LGR5: variants seen among roughly 807,000 people sequenced by gnomAD.
LGR5 encodes leucine-rich repeat-containing G protein-coupled receptor 5.
LGR5 carries 54 observed loss-of-function variants against 76.7 expected under a neutral mutation model. The observed-to-expected ratio is 0.70, with a 90% CI of 0.57 to 0.88. The LOEUF (loss-of-function observed/expected upper bound fraction) is 0.88, where lower values mean the gene tolerates loss of function less well. LGR5 is among the 40% of genes least tolerant of loss of function. The pLI is 0.00. For synonymous variants in LGR5, 406 were observed against 421.9 expected, an observed-to-expected ratio of 0.96 and a Z score of 0.46; for missense variants, 1,078 against 1,073.3, an observed-to-expected ratio of 1.00 and a Z score of -0.06.
chr12:71,479,377 G>A (rs1449914940), intron 1 of LGR5, among the ~76,000 whole-genome samples: 1 of 152,150 alleles, frequency 6.6e-6, no homozygotes, highest in African/African-American at 2.4e-5. Context: ...AGTGCCAGAG[G>A]ATGCAGCATT....
chr12:71,553,299 T>C lies in LGR5; in HGVS notation c.644+11T>C, dbSNP rs1431858843. 6.2e-7 allele frequency: 1 copy of C among 1,607,182 alleles called. No individual in the cohort carries two copies. Among genetic ancestry groups the C allele is most frequent in the Non-Finnish European group, 8.5e-7 (1 of 1,173,764 alleles). On this transcript the variant is annotated intron_variant, in intron 5 of 17. Coordinates refer to ENST00000266674, the MANE Select transcript of LGR5 (RefSeq NM_003667.4). ...CAGCTTGGTAGTTCTGTAAGTTTTATTGATTTTGCTCTCTTTTAACAGTTT... is the reference window on the plus strand; with the variant it reads ...CAGCTTGGTAGTTCTGTAAGTTTTACTGATTTTGCTCTCTTTTAACAGTTT...
chr12:71,534,286 T>G (rs1314783712), intron 3 of LGR5, among the ~76,000 whole-genome samples: 1 of 152,206 alleles, frequency 6.6e-6, no homozygotes, highest in African/African-American at 2.4e-5. Flanking sequence ...CAATGATATA[T>G]TTTTATTTCA....
intron 1 of LGR5, among the ~76,000 whole-genome samples, chr12:71,481,565 G>C (rs565293899): frequency 1.3e-5 from 2 of 152,104 alleles, no homozygotes; most frequent in Non-Finnish European, 2.9e-5. Flanking sequence ...ATATGTGTGC[G>C]TGTGTCTTTA....
chr12:71,499,682 G>A lies in LGR5; in HGVS notation c.213-4932G>A, dbSNP rs189383079. Among the ~76,000 whole-genome samples the A allele has an allele frequency of 6.0e-3, 914 of 152,174 alleles. 13 individuals carry two copies. The highest frequency in any genetic ancestry group is 0.021 in the African/African-American group (880 of 41,480). On this transcript the variant is annotated intron_variant, in intron 1 of 17. Transcript: ENST00000266674. ...CTTCATGGGGTCTAAACTCTAGATC[G>A]AGCTCTGCTTGCCAAGCCATTCATC...
intron 16 of LGR5, among the ~76,000 whole-genome samples, chr12:71,580,764 G>A (rs1333749329): frequency 2.6e-5 from 4 of 151,936 alleles, no homozygotes; most frequent in Admixed American, 1.3e-4. Context: ...CTGAGATCAC[G>A]CCACTGCACT....
intron 1 of LGR5, among the ~76,000 whole-genome samples, chr12:71,482,992 C>T (rs1873675220): frequency 6.6e-6 from 1 of 152,076 alleles, no homozygotes; most frequent in Non-Finnish European, 1.5e-5. Context: ...TGGGTTCTGA[C>T]ATTACTGCAC....
chr12:71,501,822 G>A (rs4298998), intron 1 of LGR5, among the ~76,000 whole-genome samples: 14,080 of 151,952 alleles, frequency 0.093, 692 homozygotes, highest in Non-Finnish European at 0.11. Context: ...AAAAAATTTC[G>A]TCTTTCACCG....
intron 2 of LGR5, among the ~76,000 whole-genome samples, chr12:71,505,637 C>A (rs1874814831): frequency 6.6e-6 from 1 of 152,084 alleles, no homozygotes; most frequent in African/African-American, 2.4e-5. Flanking sequence ...TCATCATAAC[C>A]AAATTACACT....
At chr12:71,507,753 G>T (rs1209976988) in intron 2 of LGR5, among the ~76,000 whole-genome samples, 1 of 151,930 alleles carries the variant, frequency 6.6e-6, no homozygotes, top group East Asian at 1.9e-4. Flanking sequence ...CTCTCTCTGG[G>T]TGTGTGTGTT....
chr12:71,560,262 G>T (rs576604772), intron 7 of LGR5, among the ~76,000 whole-genome samples: 3 of 152,110 alleles, frequency 2.0e-5, no homozygotes, highest in Non-Finnish European at 4.4e-5. Flanking sequence ...CACATATTTT[G>T]TATATGTATT....
At chr12:71,500,628 A>C in intron 1 of LGR5, among the ~76,000 whole-genome samples, 1 of 151,734 alleles carries the variant, frequency 6.6e-6, no homozygotes, top group East Asian at 1.9e-4. Context: ...ATTTATTTTT[A>C]TTTTTTATTT....
intron 1 of LGR5, among the ~76,000 whole-genome samples, chr12:71,467,319 TA>T (rs1253645136): frequency 1.3e-5 from 2 of 152,210 alleles, no homozygotes; most frequent in Non-Finnish European, 2.9e-5. Flanking sequence ...GTAGTGAAGA[TA>T]ATTGTACATT....
chr12:71,457,858 A>AGACC (rs1468494645), intron 1 of LGR5, among the ~76,000 whole-genome samples: 5 of 152,140 alleles, frequency 3.3e-5, no homozygotes, highest in Non-Finnish European at 7.4e-5. Flanking sequence ...TCATGTACAC[A>AGACC]GACCCAGCCA....
chr12:71,480,619 C>T (rs1341054195), intron 1 of LGR5, among the ~76,000 whole-genome samples: 1 of 152,000 alleles, frequency 6.6e-6, no homozygotes, highest in African/African-American at 2.4e-5. Flanking sequence ...AAGGGGGAAA[C>T]CTTAGGACCC....
In LGR5 at chr12:71,580,434, C is replaced by T. The variant is rs201266681; in HGVS notation, c.1552+11C>T. On this transcript the variant is annotated intron_variant, in intron 16 of 17. Coordinates refer to ENST00000266674, the MANE Select transcript of LGR5 (RefSeq NM_003667.4). ...TGTTTCAGGCTCAAGGTAGGACTTG[C>T]TATGCCATGGTAATGAAATTGTGTT... 1.2e-4 allele frequency: 199 copies of T among 1,608,544 alleles called. 1 individual carries two copies. The highest frequency in any genetic ancestry group is 1.6e-4 in the Non-Finnish European group (189 of 1,177,428).
chr12:71,459,841 T>C (rs574186738), intron 1 of LGR5, among the ~76,000 whole-genome samples: 1 of 152,152 alleles, frequency 6.6e-6, no homozygotes, highest in Admixed American at 6.5e-5. Context: ...TTTATAATTA[T>C]TGATATTGTT....
intron 2 of LGR5, among the ~76,000 whole-genome samples, chr12:71,514,698 C>T (rs1411362310): frequency 6.6e-6 from 1 of 152,102 alleles, no homozygotes; most frequent in African/African-American, 2.4e-5. Context: ...AGCCCATGAA[C>T]CTTGAAATCT....
chr12:71,524,565 A>G lies in LGR5; in HGVS notation c.356+88A>G, dbSNP rs1158827152. 5 of 861,390 alleles carry G rather than the reference A, an allele frequency of 5.8e-6. No homozygotes were observed. The African/African-American group carries it at 8.5e-5, about 15-fold the overall frequency. 53.4% of individuals were successfully genotyped at this position (861,390 alleles called of 1,614,324 possible). ...CTTGTAAAAGCTGAGTGTCTCTAATACACTATTTAAATCCATGGGATAATT... is the reference window on the plus strand; with the variant it reads ...CTTGTAAAAGCTGAGTGTCTCTAATGCACTATTTAAATCCATGGGATAATT... On this transcript the variant is annotated intron_variant, in intron 3 of 17. Transcript: ENST00000266674.
chr12:71,582,629 A>G lies in LGR5; in HGVS notation c.1636+90A>G, dbSNP rs941899917. On this transcript the variant is annotated intron_variant, in intron 17 of 17. Transcript: ENST00000266674. ...CAATACAGCTATACTTTAAAAGCCG[A>G]ATCTGTGCCAACTTTGCAGCTCATC... 1.5e-5 allele frequency: 14 copies of G among 954,076 alleles called. No individual in the cohort carries two copies. In the African/African-American group the frequency reaches 2.3e-4, roughly 15 times the overall value. 59.1% of individuals were successfully genotyped at this position (954,076 alleles called of 1,614,324 possible). A position where few individuals can be genotyped will look rare whatever the true frequency, so the allele number is the denominator to read the frequency against.
Sources: gnomAD v4.1 joint callset for allele counts (sites outside exome capture counted in the v4.1 genomes callset) on GRCh38, gnomAD v4.1.1 for gene constraint, MANE v1.5 for transcripts, NCBI Gene and HGNC (gene_info 2026-07-23, HGNC 2026-07-21) for gene names.